The following USP32 variants were observed in gnomAD, a reference collection of about 807,000 sequenced individuals.
USP32 encodes the protein ubiquitin specific peptidase 32, also known as ubiquitin carboxyl-terminal hydrolase 32.
Under a neutral mutation model 204.8 loss-of-function variants are expected in USP32, and 59 were observed. The observed-to-expected ratio is 0.29, with a 90% CI of 0.23 to 0.36. The LOEUF is 0.36. Among genes scored for constraint, USP32 ranks in the 10% least tolerant of loss-of-function variants. The pLI is 1.00. For synonymous variants in USP32, 517 were observed against 678.4 expected (o/e 0.76, Z 3.70); for missense variants, 1,160 against 1,946.4 (o/e 0.60, Z 7.60).
chr17:60,277,418 T>G (rs2086865346), intron 5 of USP32, among the ~76,000 whole-genome samples: 1 of 152,228 alleles, frequency 6.6e-6, no homozygotes, highest in Non-Finnish European at 1.5e-5. Flanking sequence ...TGAGATCTAC[T>G]TAAAATGGCT....
chr17:60,281,207 A>G (rs2086957864), intron 5 of USP32, among the ~76,000 whole-genome samples: 1 of 152,160 alleles, frequency 6.6e-6, no homozygotes, highest in Non-Finnish European at 1.5e-5. Context: ...CACAAAGCCA[A>G]GTGTTCACAA....
chr17:60,297,070 C>A (rs1409041117), intron 3 of USP32, among the ~76,000 whole-genome samples: 1 of 152,052 alleles, frequency 6.6e-6, no homozygotes, highest in Non-Finnish European at 1.5e-5. Flanking sequence ...CTAAGCTATG[C>A]CAGGCAAGGC....
chr17:60,308,386 C>T (rs1403333966), intron 2 of USP32, among the ~76,000 whole-genome samples: 1 of 152,142 alleles, frequency 6.6e-6, no homozygotes, highest in East Asian at 1.9e-4. Context: ...AAGGTTTGAA[C>T]AGCAGGGCAC....
At chr17:60,411,340 T>A (rs1210067833) in intron 1 of USP32, among the ~76,000 whole-genome samples, 1 of 147,024 alleles carries the variant, frequency 6.8e-6, no homozygotes. Context: ...AATAAATAAA[T>A]AAATAAATAA....
intron 3 of USP32, among the ~76,000 whole-genome samples, chr17:60,296,224 C>T (rs1345764330): frequency 6.6e-6 from 1 of 152,152 alleles, no homozygotes; most frequent in Non-Finnish European, 1.5e-5. Flanking sequence ...ATAGGCTGAA[C>T]TTTATCCCCC....
intron 1 of USP32, among the ~76,000 whole-genome samples, chr17:60,357,538 A>AAT (rs1250635679): frequency 1.3e-5 from 2 of 152,088 alleles, no homozygotes; most frequent in Non-Finnish European, 2.9e-5. Flanking sequence ...TAAAAATAAA[A>AAT]ATATATATAT....
At chr17:60,414,500 C>T (rs1300892191) in intron 1 of USP32, among the ~76,000 whole-genome samples, 1 of 151,682 alleles carries the variant, frequency 6.6e-6, no homozygotes, top group Non-Finnish European at 1.5e-5. Context: ...ATAATCTCGG[C>T]TCACTGCAAC....
At chr17:60,256,601 C>A (rs1039556947) in intron 9 of USP32, 15 of 835,240 alleles carry the variant, frequency 1.8e-5, no homozygotes, top group Non-Finnish European at 2.0e-5. Context: ...TCCAGGTACT[C>A]CGGTTTCCTC....
At chr17:60,416,515 G>C (rs2090063538) in intron 1 of USP32, among the ~76,000 whole-genome samples, 1 of 152,190 alleles carries the variant, frequency 6.6e-6, no homozygotes, top group South Asian at 2.1e-4. Context: ...ATGTGGTGGA[G>C]GGATGACTTT....
In USP32 at chr17:60,208,111, C is replaced by T. The variant is rs367648114; in HGVS notation, c.2873G>A (p.Gly958Glu). Residue 958 changes from glycine to glutamate, a missense_variant, in exon 24 of 34, where the codon GGA becomes GAA. Coordinates refer to ENST00000300896, the MANE Select transcript of USP32 (RefSeq NM_032582.4). ...TAGAAGGATTTGTTCTGAATTAAGT[C>T]CACAGAGATCACTCAGCTGTTTTTT... Reference protein sequence around the residue: ...GLKKQLSDLCGLNSEQILLAE... With the variant: ...GLKKQLSDLCELNSEQILLAE... 1.3e-5 allele frequency: 20 copies of T among 1,599,514 alleles called. No individual in the cohort carries two copies. In the African/African-American group the frequency reaches 2.2e-4, roughly 17 times the overall value.
chr17:60,231,211 G>A (rs1436875016), intron 12 of USP32, among the ~76,000 whole-genome samples: 2 of 152,070 alleles, frequency 1.3e-5, no homozygotes, highest in African/African-American at 4.8e-5. Flanking sequence ...TTTCTCTATT[G>A]ATGATACTAC....
intron 2 of USP32, among the ~76,000 whole-genome samples, chr17:60,339,760 A>C (rs2088613419): frequency 6.6e-6 from 1 of 152,134 alleles, no homozygotes; most frequent in Non-Finnish European, 1.5e-5. Flanking sequence ...CAGGAAAATA[A>C]TTTAGAAATT....
intron 2 of USP32, among the ~76,000 whole-genome samples, chr17:60,327,383 T>A (rs962636481): frequency 6.9e-5 from 8 of 115,962 alleles, no homozygotes; most frequent in African/African-American, 2.7e-4. Context: ...AAGCAGCCCA[T>A]GGCACAGCTG....
At chr17:60,333,162 A>G (rs989509965) in intron 2 of USP32, among the ~76,000 whole-genome samples, 6 of 152,236 alleles carry the variant, frequency 3.9e-5, no homozygotes, top group African/African-American at 1.4e-4. Flanking sequence ...AAATCTGAGT[A>G]TAACTTTGGA....
chr17:60,208,045 G>C lies in USP32; in HGVS notation c.2925+14C>G. On this transcript the variant is annotated intron_variant, in intron 24 of 33. Transcript: ENST00000300896. ...AGGATAGAATCAAAAGTTTCTTAGA[G>C]TAGTTAATATTACCTTTATGTTGGA... 1.3e-6 allele frequency: 2 copies of C among 1,559,604 alleles called. No homozygotes were observed. Among genetic ancestry groups the C allele is most frequent in the Non-Finnish European group, 1.7e-6 (2 of 1,152,286 alleles).
At chr17:60,357,436 G>A (rs1038755720) in intron 1 of USP32, among the ~76,000 whole-genome samples, 2 of 152,102 alleles carry the variant, frequency 1.3e-5, no homozygotes, top group African/African-American at 4.8e-5. Context: ...CTGGGCAACA[G>A]AGCAAGACCC....
intron 2 of USP32, among the ~76,000 whole-genome samples, chr17:60,338,343 A>G (rs975329868): frequency 4.0e-5 from 6 of 151,076 alleles, no homozygotes; most frequent in Non-Finnish European, 7.4e-5. Flanking sequence ...AAAAAAAAAT[A>G]CTACATAGAA....
At chr17:60,357,892 C>G (rs1333134240) in intron 1 of USP32, among the ~76,000 whole-genome samples, 1 of 152,124 alleles carries the variant, frequency 6.6e-6, no homozygotes, top group Non-Finnish European at 1.5e-5. Flanking sequence ...CCTCAGCATC[C>G]CAAGTAACTG....
chr17:60,179,526 C>A, intron 33 of USP32, 98 bp from the exon 34 acceptor site: 2 of 1,474,906 alleles, frequency 1.4e-6, no homozygotes, highest in South Asian at 1.3e-5. Flanking sequence ...AATTACTAAA[C>A]CTGATTGCTT....
Sources: allele counts gnomAD v4.1 joint callset (sites outside exome capture counted in the v4.1 genomes callset), GRCh38; gene constraint gnomAD v4.1.1; transcripts MANE v1.5; gene names NCBI Gene and HGNC (gene_info 2026-07-23, HGNC 2026-07-21).